The following ASXL1 variants were observed in gnomAD, a reference collection of about 807,000 sequenced individuals.
The protein encoded by ASXL1 is ASXL transcriptional regulator 1.
In ASXL1, 65 loss-of-function variants were observed where a neutral mutation model predicts 89.1. The ratio of observed to expected loss-of-function variants is 0.73; its 90% confidence interval spans 0.60 to 0.90. ASXL1 has a LOEUF of 0.90. Ranked by LOEUF, ASXL1 falls within the 40% of genes least tolerant of loss-of-function variation. ASXL1 has a pLI of 0.00. For synonymous variants in ASXL1, 739 were observed against 746.9 expected (o/e 0.99, Z 0.17); for missense variants, 1,786 against 1,942.9 (o/e 0.92, Z 1.52).
At chr20:32,360,012 G>T (rs909114359) in intron 1 of ASXL1, 9 of 536,100 alleles carry the variant, frequency 1.7e-5, no homozygotes, top group Non-Finnish European at 3.0e-5. Context: ...GTGAAGCTCA[G>T]ACTTAATTTT....
At position 32,363,529 on chromosome 20, in the gene ASXL1, T is replaced by A. The variant is rs536561454; in HGVS notation, c.58-2855T>A. The stretch of plus-strand genomic sequence containing the variant: ...CAGTCATGATACGTGTTATCATAGT[T>A]GTATAAATCATAAACAGATATCCCA... On this transcript the variant is annotated intron_variant, in intron 1 of 12. Transcript: ENST00000375687. Among the ~76,000 whole-genome samples, 3 of 152,354 alleles carry A rather than the reference T, an allele frequency of 2.0e-5. No homozygotes were observed. The East Asian group carries it at 5.8e-4, about 29-fold the overall frequency.
At chr20:32,426,083 A>G (rs556149903) in intron 4 of ASXL1, among the ~76,000 whole-genome samples, 2 of 152,318 alleles carry the variant, frequency 1.3e-5, no homozygotes, top group East Asian at 1.9e-4. Context: ...TCTGTAGGTA[A>G]TAATGTTTTT....
rs534677005 is a variant in ASXL1 at position 32,413,958 on chromosome 20, G to A, written c.253-14170G>A. Among the ~76,000 whole-genome samples, 6 of 152,280 alleles carry A rather than the reference G, an allele frequency of 3.9e-5. No individual in the cohort carries two copies. In the South Asian group the frequency reaches 1.2e-3, roughly 32 times the overall value. On this transcript the variant is annotated intron_variant, in intron 4 of 12. Coordinates refer to ENST00000375687, the MANE Select transcript of ASXL1 (RefSeq NM_015338.6). Reference sequence around the variant, plus strand: ...GAGGCCTTACATGTCTTTATTCTGTGTTCCACACTAGATTGTTGGTTGGGC... The same window carrying A: ...GAGGCCTTACATGTCTTTATTCTGTATTCCACACTAGATTGTTGGTTGGGC...
intron 4 of ASXL1, among the ~76,000 whole-genome samples, chr20:32,402,055 A>T (rs2048884365): frequency 6.6e-6 from 1 of 152,364 alleles, no homozygotes; most frequent in East Asian, 1.9e-4. Context: ...TACTGTAAAT[A>T]GAATCATATA....
Position 32,399,745 on chromosome 20 carries a change from C to CTATTTTTTTTTTTTTTTTTT in ASXL1, c.253-28382_253-28381insATTTTTTTTTTTTTTTTTTT, listed in dbSNP as rs1600525633. On this transcript the variant is annotated intron_variant, in intron 4 of 12. Transcript: ENST00000375687. ...ATTTTTAAAAATCTCACATATTTTA[C>CTATTTTTTTTTTTTTTTTTT]TCTTTTTTTTTTTTTTTTTTTTTTT... Among the ~76,000 whole-genome samples the CTATTTTTTTTTTTTTTTTTT allele has an allele frequency of 6.0e-5, 4 of 66,614 alleles. 1 individual carries two copies. The highest frequency in any genetic ancestry group is 3.0e-5 in the Non-Finnish European group (1 of 33,826). 43.7% of individuals were successfully genotyped at this position (66,614 alleles called of 152,430 possible). A position where few individuals can be genotyped will look rare whatever the true frequency, so the allele number is the denominator to read the frequency against.
intron 4 of ASXL1, among the ~76,000 whole-genome samples, chr20:32,407,584 C>T (rs2048977297): frequency 6.6e-6 from 1 of 152,172 alleles, no homozygotes; most frequent in Non-Finnish European, 1.5e-5. Context: ...CCACCTCAGT[C>T]TCTTGAGTAG....
intron 12 of ASXL1, 189 bp downstream of exon 12, chr20:32,434,106 C>T (rs2011635144): frequency 2.3e-6 from 2 of 882,108 alleles, no homozygotes; most frequent in Non-Finnish European, 3.4e-6. Context: ...CTTTTTTGTT[C>T]ACTCTGTTGA....
At chr20:32,410,973 A>C in intron 4 of ASXL1, among the ~76,000 whole-genome samples, 1 of 137,580 alleles carries the variant, frequency 7.3e-6, no homozygotes, top group African/African-American at 2.7e-5. Flanking sequence ...TGGAGGTTGC[A>C]GTGAGCTGAG....
rs765597180 is a variant in ASXL1, at chr20:32,429,856, C to T, written c.566-45C>T. 1.4e-5 allele frequency: 22 copies of T among 1,599,718 alleles called. No homozygotes were observed. The highest frequency in any genetic ancestry group is 8.9e-5 in the East Asian group (4 of 44,772). On this transcript the variant is annotated intron_variant, in intron 7 of 12. Coordinates refer to ENST00000375687, the MANE Select transcript of ASXL1 (RefSeq NM_015338.6). This position sits in a 1 kb window ranked among gnomAD's most constrained non-coding sequence, Gnocchi z 4.9. ...AATGAGCTTGTCTGAGAGCCATGGGCGCGGCTTGGTGATACTTTTGACCAG... is the reference window on the plus strand; with the variant it reads ...AATGAGCTTGTCTGAGAGCCATGGGTGCGGCTTGGTGATACTTTTGACCAG...
At chr20:32,431,829 A>G in intron 10 of ASXL1, 150 bp downstream of exon 10, 2 of 836,076 alleles carry the variant, frequency 2.4e-6, no homozygotes, top group Non-Finnish European at 3.9e-6. Context: ...TGTGGTGGGT[A>G]TTAATATGCC....
rs2011597389 is a variant in ASXL1, at chr20:32,433,487, C to A, written c.1289C>A (p.Ser430Ter). Residue 430 changes from serine to a stop codon, truncating the protein, a stop_gained, in exon 12 of 13, where the codon TCA becomes TAA. Coordinates refer to ENST00000375687, the MANE Select transcript of ASXL1 (RefSeq NM_015338.6). LOFTEE classifies it high-confidence loss of function. The stretch of plus-strand genomic sequence containing the variant: ...AGGAATCTGTACAAAAAACAGGAGT[C>A]AGAACAAGCAGGGGTTGCTAAGGAT... ...ARRNLYKKQESEQAGVAKDAK... is the reference protein window; with the variant it reads ...ARRNLYKKQE 1 of 1,614,148 alleles carries A rather than the reference C, an allele frequency of 6.2e-7. No individual in the cohort carries two copies.
intron 4 of ASXL1, among the ~76,000 whole-genome samples, chr20:32,381,908 T>G (rs2048493182): frequency 6.6e-6 from 1 of 151,872 alleles, no homozygotes; most frequent in Non-Finnish European, 1.5e-5. Flanking sequence ...TTTAGGTTAT[T>G]TTTCTTCTGC....
Position 32,435,417 on chromosome 20 carries a change from C to A in ASXL1, c.2705C>A (p.Pro902Gln), listed in dbSNP as rs886848485. 1.2e-6 allele frequency: 2 copies of A among 1,614,138 alleles called. No individual in the cohort carries two copies. The highest frequency in any genetic ancestry group is 1.7e-6 in the Non-Finnish European group (2 of 1,180,020). Residue 902 changes from proline (P) to glutamine (Q), a missense_variant, in exon 13 of 13, where the codon CCA becomes CAA. By Grantham distance (76) the Pro-to-Gln change is moderately conservative. Coordinates refer to ENST00000375687, the MANE Select transcript of ASXL1 (RefSeq NM_015338.6). ...AGTTCTTTGCATTGGATACCCATCCCATCGAATGATGAGGTAGTGAAACAG... is the reference window on the plus strand; with the variant it reads ...AGTTCTTTGCATTGGATACCCATCCAATCGAATGATGAGGTAGTGAAACAG... ...SNSSLHWIPI[P>Q]SNDEVVKQPK... is the part of the protein sequence containing the mutation.
intron 4 of ASXL1, among the ~76,000 whole-genome samples, chr20:32,393,977 C>T (rs1190983209): frequency 5.4e-5 from 8 of 147,386 alleles, no homozygotes; most frequent in African/African-American, 1.5e-4. Context: ...ATTACAGGTG[C>T]GTGCCACCAC....
At chr20:32,420,983 A>C (rs1600559477) in intron 4 of ASXL1, among the ~76,000 whole-genome samples, 1 of 126,924 alleles carries the variant, frequency 7.9e-6, no homozygotes, top group Admixed American at 9.3e-5. Context: ...AAAACCAAAC[A>C]CCCCATGTTC....
At chr20:32,428,059 T>G in intron 4 of ASXL1, 69 bp from the exon 5 acceptor site, 6 of 1,603,042 alleles carry the variant, frequency 3.7e-6, no homozygotes, top group Non-Finnish European at 5.1e-6. Context: ...CATACACATT[T>G]AGGAATGACT....
At chr20:32,394,663 TAA>T (rs949899390) in intron 4 of ASXL1, among the ~76,000 whole-genome samples, 107 of 152,374 alleles carry the variant, frequency 7.0e-4, no homozygotes, top group African/African-American at 2.5e-3. Context: ...ACATATGTTG[TAA>T]ACTCCACAAT....
intron 10 of ASXL1, among the ~76,000 whole-genome samples, 180 bp downstream of exon 10, chr20:32,431,859 A>T (rs1205456503): frequency 6.6e-6 from 1 of 152,222 alleles, no homozygotes; most frequent in African/African-American, 2.4e-5. Context: ...TGAAGAAATA[A>T]CAGGGTGTTT....
chr20:32,363,561 G>T (rs576553703), intron 1 of ASXL1, among the ~76,000 whole-genome samples: 1 of 152,192 alleles, frequency 6.6e-6, no homozygotes, highest in Non-Finnish European at 1.5e-5. Flanking sequence ...CCCAGTTGCT[G>T]CCTCTTGTCT....
Sources: gnomAD v4.1 joint callset for allele counts (sites outside exome capture counted in the v4.1 genomes callset) on GRCh38, gnomAD v4.1.1 for gene constraint, Gnocchi (gnomAD v3.1) non-coding constraint, MANE v1.5 for transcripts, NCBI Gene and HGNC (gene_info 2026-07-23, HGNC 2026-07-21) for gene names.